Variants in DNTT observed in about 807,000 individuals in gnomAD.
DNTT encodes the protein nucleosidetriphosphate:DNA deoxynucleotidylexotransferase.
DNTT carries 47 observed loss-of-function variants against 60.9 expected under a neutral mutation model. The ratio of observed to expected loss-of-function variants is 0.77; its 90% confidence interval spans 0.61 to 0.98. The LOEUF (loss-of-function observed/expected upper bound fraction) is 0.98, where lower values mean the gene tolerates loss of function less well. Among genes scored for constraint, DNTT ranks in the 50% least tolerant of loss-of-function variants. The pLI, the probability that DNTT is intolerant of heterozygous loss-of-function variation, is 0.00. For synonymous variants in DNTT, 224 were observed against 221.2 expected (o/e 1.01, Z -0.11); for missense variants, 665 against 627.5 (o/e 1.06, Z -0.64).
At chr10:96,313,475 C>T (rs1219120018) in intron 1 of DNTT, among the ~76,000 whole-genome samples, 1 of 152,064 alleles carries the variant, frequency 6.6e-6, no homozygotes, top group Non-Finnish European at 1.5e-5. Context: ...AACAAAGCTC[C>T]CCTCAGGCAT....
intron 9 of DNTT, among the ~76,000 whole-genome samples, chr10:96,334,524 A>G (rs532539011): frequency 1.8e-3 from 274 of 152,300 alleles, no homozygotes; most frequent in Middle Eastern, 6.8e-3. Flanking sequence ...GGGTTCGTAG[A>G]GGGTTTTTTA....
chr10:96,321,539 C>G (rs1564872178), intron 4 of DNTT, among the ~76,000 whole-genome samples: 1 of 152,112 alleles, frequency 6.6e-6, no homozygotes, highest in Admixed American at 6.5e-5. Flanking sequence ...CTCATGCCCA[C>G]TCGCCCAATT....
chr10:96,318,080 C>T (rs1272942130), intron 1 of DNTT, among the ~76,000 whole-genome samples: 5 of 152,194 alleles, frequency 3.3e-5, no homozygotes, highest in Non-Finnish European at 7.3e-5. Flanking sequence ...TACCTTCCAT[C>T]TTTTCTGGAC....
chr10:96,337,733 T>C (rs1004349242), intron 10 of DNTT, among the ~76,000 whole-genome samples: 2 of 152,194 alleles, frequency 1.3e-5, no homozygotes, highest in South Asian at 2.1e-4. Flanking sequence ...AAATTATAAC[T>C]GCATGTTAGA....
In DNTT at chr10:96,333,794, A is replaced by G. The variant is rs968274633; in HGVS notation, c.1359+1198A>G. On this transcript the variant is annotated intron_variant, in intron 9 of 10. Transcript: ENST00000371174. The stretch of plus-strand genomic sequence containing the variant: ...TCAAACTCGTAGAAGTACAGAATAG[A>G]ATGTAGAATGGTGGTTAGCAGAGGC... Among the ~76,000 whole-genome samples, 5 of 152,194 alleles carry G rather than the reference A, an allele frequency of 3.3e-5. No homozygotes were observed. The East Asian group carries it at 9.6e-4, about 29-fold the overall frequency.
intron 10 of DNTT, among the ~76,000 whole-genome samples, chr10:96,336,184 GCT>G (rs1196946022): frequency 6.6e-6 from 1 of 152,168 alleles, no homozygotes. Flanking sequence ...AGAGATTTTG[GCT>G]GAAACATGAT....
chr10:96,327,383 G>A (rs41291618), intron 6 of DNTT, 85 bp from the exon 7 acceptor site: 47,250 of 1,586,976 alleles, frequency 0.03, 791 homozygotes, highest in Non-Finnish European at 0.033. Context: ...TAGCTCTATC[G>A]TGGGGACAGA....
intron 9 of DNTT, among the ~76,000 whole-genome samples, chr10:96,335,043 A>G (rs537048862): frequency 6.6e-6 from 1 of 152,288 alleles, no homozygotes; most frequent in East Asian, 1.9e-4. Flanking sequence ...CCATCTCCTC[A>G]ACCATCCCGG....
intron 10 of DNTT, 129 bp downstream of exon 10, chr10:96,336,103 C>A: frequency 1.1e-6 from 1 of 901,238 alleles, no homozygotes. Context: ...ATTTCCAGTT[C>A]ATCATAGTTG....
intron 7 of DNTT, 57 bp from the exon 8 acceptor site, chr10:96,328,668 T>A (rs926542360): frequency 4.5e-6 from 7 of 1,549,878 alleles, no homozygotes; most frequent in African/African-American, 1.4e-5. Context: ...GGTGATTTTT[T>A]AAAAATGAAG....
chr10:96,313,045 A>G (rs576352834), intron 1 of DNTT, among the ~76,000 whole-genome samples: 3 of 152,174 alleles, frequency 2.0e-5, no homozygotes, highest in Admixed American at 6.5e-5. Flanking sequence ...GTCAAGCACT[A>G]GTTGAAGGAG....
At position 96,324,266 on chromosome 10, in the gene DNTT, C is replaced by T. The variant is rs201883920; in HGVS notation, c.751C>T (p.Leu251Phe). 4 of 1,612,142 alleles carry T rather than the reference C, an allele frequency of 2.5e-6. No individual in the cohort carries two copies. The highest frequency in any genetic ancestry group is 1.7e-4 in the Middle Eastern group (1 of 6,044). Reference sequence around the variant, plus strand: ...TGGCATGCCTTTCCCTCCATTTTAGCTCTTTACTTCTGTATTTGGAGTGGG... The same window carrying T: ...TGGCATGCCTTTCCCTCCATTTTAGTTCTTTACTTCTGTATTTGGAGTGGG... ...LNDERYQSFK[L>F]FTSVFGVGLK... The change falls in exon 6 of 11, where the codon CTC (leucine) becomes TTC (phenylalanine). Residue 251 changes from leucine to phenylalanine, a missense_variant and splice_region_variant. Leu to Phe is a conservative substitution (Grantham distance 22). Transcript: ENST00000371174.
At chr10:96,312,865 G>C (rs990142988) in intron 1 of DNTT, among the ~76,000 whole-genome samples, 23 of 152,242 alleles carry the variant, frequency 1.5e-4, no homozygotes, top group Middle Eastern at 6.8e-3. Flanking sequence ...ACTAGAGTTT[G>C]AGAGACATTC....
rs768327115 is a variant in DNTT, at chr10:96,322,745, A to G, written c.750+17A>G. Reference sequence around the variant, plus strand: ...TCCTTCAAAGTAAGTGATTTTACATATATTTATTGAAAATTGTTTTTCAGT... The same window carrying G: ...TCCTTCAAAGTAAGTGATTTTACATGTATTTATTGAAAATTGTTTTTCAGT... On this transcript the variant is annotated intron_variant, in intron 5 of 10. Coordinates refer to ENST00000371174, the MANE Select transcript of DNTT (RefSeq NM_004088.4). 2.0e-5 allele frequency: 32 copies of G among 1,570,136 alleles called. No individual in the cohort carries two copies. The highest frequency in any genetic ancestry group is 5.2e-5 in the Admixed American group (3 of 57,178).
chr10:96,333,166 T>C (rs1170976375), intron 9 of DNTT, among the ~76,000 whole-genome samples: 4 of 152,202 alleles, frequency 2.6e-5, no homozygotes, highest in Non-Finnish European at 5.9e-5. Context: ...AGGACTTGAA[T>C]AGATATTTCT....
intron 1 of DNTT, 26 bp from the exon 2 acceptor site, chr10:96,318,326 T>A (rs1365824283): frequency 1.3e-6 from 2 of 1,590,138 alleles, no homozygotes; most frequent in Admixed American, 3.5e-5. Context: ...ATGTTTCAGC[T>A]GGTAACTCTG....
At chr10:96,335,999 C>T in intron 10 of DNTT, 25 bp downstream of exon 10, 5 of 1,611,004 alleles carry the variant, frequency 3.1e-6, no homozygotes, top group Non-Finnish European at 4.2e-6. Context: ...CTAAAAGGGG[C>T]TACTTTGATC....
At chr10:96,324,456 A>T in intron 6 of DNTT, 67 bp downstream of exon 6, 1 of 1,593,368 alleles carries the variant, frequency 6.3e-7, no homozygotes, top group Non-Finnish European at 8.6e-7. Context: ...GCTCTAAGTC[A>T]GTTACACTGC....
chr10:96,328,628 C>G (rs1844967293), intron 7 of DNTT, 97 bp from the exon 8 acceptor site: 1 of 1,184,828 alleles, frequency 8.4e-7, no homozygotes, highest in Non-Finnish European at 1.2e-6. Flanking sequence ...TTCTATGTTG[C>G]AAATCTTAAG....
Sources: gnomAD v4.1 joint callset for allele counts (sites outside exome capture counted in the v4.1 genomes callset) on GRCh38, gnomAD v4.1.1 for gene constraint, MANE v1.5 for transcripts, NCBI Gene and HGNC (gene_info 2026-07-23, HGNC 2026-07-21) for gene names.